Variants in OPA1 observed in about 807,000 individuals in gnomAD.
OPA1 encodes OPA1 mitochondrial dynamin like GTPase, also known as dynamin-like GTPase OPA1, mitochondrial.
Under a neutral mutation model 152.9 loss-of-function variants are expected in OPA1, and 59 were observed. The ratio of observed to expected loss-of-function variants is 0.39; its 90% CI spans 0.31 to 0.48. The LOEUF is 0.48. OPA1 is among the 20% of genes least tolerant of loss of function. The pLI is 0.96. For synonymous variants in OPA1, 400 were observed against 389.9 expected, an observed-to-expected ratio of 1.03 and a Z score of -0.31; for missense variants, 1,008 against 1,216.8, an observed-to-expected ratio of 0.83 and a Z score of 2.55.
At position 193,593,271 on chromosome 3, in the gene OPA1, C is replaced by A; in HGVS notation, c.-107C>A. On this transcript the variant is annotated 5_prime_UTR_variant, in exon 1 of 31. The change creates a new upstream start codon in the 5' untranslated region. Transcript: ENST00000361510. ...CGGCCGCGGCTCTGTGCCCTTGCTG[C>A]TGAGGGCCACTTCCTGGGTCATTCC... 8.3e-7 allele frequency: 1 copy of A among 1,204,378 alleles called. No individual in the cohort carries two copies. The highest frequency in any genetic ancestry group is 1.1e-6 in the Non-Finnish European group (1 of 883,906). 74.6% of individuals were successfully genotyped at this position (1,204,378 alleles called of 1,614,324 possible).
chr3:193,602,530 A>G (rs1726622630), intron 1 of OPA1, among the ~76,000 whole-genome samples: 1 of 152,198 alleles, frequency 6.6e-6, no homozygotes, highest in Non-Finnish European at 1.5e-5. Context: ...ATGAGATGCT[A>G]TTATTAGGGA....
At chr3:193,624,884 T>G (rs547451670) in intron 6 of OPA1, among the ~76,000 whole-genome samples, 1 of 147,974 alleles carries the variant, frequency 6.8e-6, no homozygotes, top group South Asian at 2.1e-4. Context: ...TGGGCAGTCA[T>G]TTTTTAACTC....
intron 21 of OPA1, among the ~76,000 whole-genome samples, chr3:193,654,616 T>C (rs1339253397): frequency 6.6e-6 from 1 of 152,192 alleles, no homozygotes; most frequent in Non-Finnish European, 1.5e-5. Flanking sequence ...ATTGCATTTA[T>C]ATAAATTTCT....
At chr3:193,647,961 G>A (rs1734957831) in intron 19 of OPA1, 109 bp from the exon 20 acceptor site, 8 of 770,818 alleles carry the variant, frequency 1.0e-5, no homozygotes, top group South Asian at 2.9e-5. Context: ...GGTCATAGGC[G>A]CACTCTCAGA....
chr3:193,593,552 C>T, intron 1 of OPA1, 143 bp downstream of exon 1: 1 of 887,004 alleles, frequency 1.1e-6, no homozygotes, highest in Non-Finnish European at 1.6e-6. Flanking sequence ...TCTTGAGGAC[C>T]CAGAATGACA....
chr3:193,697,559 A>C lies in OPA1; in HGVS notation c.*2959A>C, dbSNP rs1224852974. On this transcript the variant is annotated 3_prime_UTR_variant, in exon 31 of 31. Transcript: ENST00000361510. The stretch of plus-strand genomic sequence containing the variant: ...TTCTATTATTGGAGAGCATCTTTTA[A>C]ATTTTTTTCTGTTTTAACGAGGGAA... 1 of 152,156 alleles carries C rather than the reference A, an allele frequency of 6.6e-6. No individual in the cohort carries two copies. The highest frequency in any genetic ancestry group is 1.5e-5 in the Non-Finnish European group (1 of 68,018). 9.4% of individuals were successfully genotyped at this position (152,156 alleles called of 1,614,324 possible). A position where few individuals can be genotyped will look rare whatever the true frequency, so the allele number is the denominator to read the frequency against.
intron 3 of OPA1, among the ~76,000 whole-genome samples, chr3:193,616,083 A>G (rs1390192446): frequency 6.6e-6 from 1 of 152,190 alleles, no homozygotes; most frequent in African/African-American, 2.4e-5. Context: ...TCTTGGAATC[A>G]TAACTCACTG....
intron 29 of OPA1, chr3:193,691,583 G>A (rs1482119017): frequency 6.5e-6 from 1 of 153,118 alleles, no homozygotes; most frequent in Non-Finnish European, 1.5e-5. Flanking sequence ...TGGCCATATT[G>A]ATTGATCTTT....
chr3:193,660,302 C>G (rs928208200), intron 25 of OPA1, among the ~76,000 whole-genome samples: 1 of 152,132 alleles, frequency 6.6e-6, no homozygotes, highest in Non-Finnish European at 1.5e-5. Context: ...TCTTATACCA[C>G]TGTCTCATTC....
At chr3:193,654,795 C>T (rs759060841) in intron 21 of OPA1, 67 bp from the exon 22 acceptor site, 15 of 1,483,928 alleles carry the variant, frequency 1.0e-5, no homozygotes, top group Non-Finnish European at 1.4e-5. Context: ...AATGATACTT[C>T]AGTCAAGCTG....
chr3:193,631,557 T>C (rs1560353584), intron 7 of OPA1, 55 bp from the exon 8 acceptor site: 3 of 1,311,190 alleles, frequency 2.3e-6, no homozygotes, highest in Non-Finnish European at 3.3e-6. Context: ...TTTAACTTGC[T>C]GTACATTCTG....
intron 4 of OPA1, 81 bp downstream of exon 4, chr3:193,617,366 T>A (rs1489348964): frequency 9.7e-6 from 8 of 821,800 alleles, no homozygotes; most frequent in Non-Finnish European, 1.6e-5. Flanking sequence ...TTTATTCCCA[T>A]TTTTTTAAAA....
chr3:193,693,078 A>C (rs1349700472), intron 30 of OPA1, among the ~76,000 whole-genome samples: 1 of 152,392 alleles, frequency 6.6e-6, no homozygotes, highest in Admixed American at 6.5e-5. Flanking sequence ...CCCTACAGAC[A>C]GCCTGCAGCA....
Position 193,671,639 on chromosome 3 carries a change from A to T in OPA1, c.2983+4359A>T, listed in dbSNP as rs567903025. 1.2e-4 allele frequency among the ~76,000 whole-genome samples: 19 copies of T among 152,372 alleles called. No homozygotes were observed. The South Asian group carries it at 2.9e-3, about 23-fold the overall frequency. ...TTGGAAAATACCATTATTCATAGCG[A>T]ATACAAAGTAGAATATTTGGGGATG... On this transcript the variant is annotated intron_variant, in intron 29 of 30. Transcript: ENST00000361510.
rs1713442826 is a variant in OPA1 at position 193,655,017 on chromosome 3, A to C, written c.2168A>C (p.Lys723Thr). The change falls in exon 22 of 31, where the codon AAA (lysine) becomes ACA (threonine). Residue 723 changes from lysine (K) to threonine (T), a missense_variant. Around this residue, in one of 7 missense-constraint regions of OPA1, gnomAD observed 229 missense variants for 269.0 expected, o/e 0.85. Coordinates refer to ENST00000361510, the MANE Select transcript of OPA1 (RefSeq NM_130837.3). The stretch of plus-strand genomic sequence containing the variant: ...TGGACTGATAAACAACTTCCTAATA[A>C]AGCAGTAGAGGTTAGGATATAATTT... ...KQWTDKQLPN[K>T]AVEVAWETLQ... is the part of the protein sequence containing the mutation. 1 of 1,613,558 alleles carries C rather than the reference A, an allele frequency of 6.2e-7. No individual in the cohort carries two copies. The highest frequency in any genetic ancestry group is 8.5e-7 in the Non-Finnish European group (1 of 1,179,716).
At chr3:193,607,054 A>G (rs1376639396) in intron 1 of OPA1, among the ~76,000 whole-genome samples, 8 of 152,208 alleles carry the variant, frequency 5.3e-5, no homozygotes, top group Admixed American at 1.3e-4. Flanking sequence ...TTTTGGCTGC[A>G]TAAATGTCTT....
intron 6 of OPA1, among the ~76,000 whole-genome samples, chr3:193,622,765 A>G (rs1231974300): frequency 6.6e-6 from 1 of 152,172 alleles, no homozygotes; most frequent in Non-Finnish European, 1.5e-5. Flanking sequence ...TTCTGTTACT[A>G]AATCTTTTTC....
chr3:193,601,570 C>G (rs1456827634), intron 1 of OPA1, among the ~76,000 whole-genome samples: 4 of 152,182 alleles, frequency 2.6e-5, no homozygotes, highest in African/African-American at 9.7e-5. Flanking sequence ...ATTTACTTTT[C>G]TATGGCCCCT....
intron 11 of OPA1, among the ~76,000 whole-genome samples, chr3:193,640,250 T>C (rs1733566809): frequency 6.6e-6 from 1 of 152,138 alleles, no homozygotes; most frequent in Non-Finnish European, 1.5e-5. Flanking sequence ...AGCAGTATAT[T>C]CTGGGCACTC....
Sources: gnomAD v4.1 joint callset for allele counts (sites outside exome capture counted in the v4.1 genomes callset) on GRCh38, gnomAD v4.1.1 for gene constraint, gnomAD v4.1.1 regional missense constraint, MANE v1.5 for transcripts, NCBI Gene and HGNC (gene_info 2026-07-23, HGNC 2026-07-21) for gene names.